The following FBXO46 variants were observed in gnomAD, a reference collection of about 807,000 sequenced individuals.
FBXO46 encodes the protein F-box only protein 46.
Under a neutral mutation model 30.7 loss-of-function variants are expected in FBXO46, and 13 were observed. The ratio of observed to expected loss-of-function variants is 0.42; its 90% CI spans 0.28 to 0.67. The LOEUF (loss-of-function observed/expected upper bound fraction) is 0.67, where lower values mean the gene tolerates loss of function less well. Among genes scored for constraint, FBXO46 ranks in the 30% least tolerant of loss-of-function variants. FBXO46 has a pLI of 0.21. For synonymous variants in FBXO46, 467 were observed against 385.8 expected, an observed-to-expected ratio of 1.21 and a Z score of -2.47; for missense variants, 754 against 871.5, an observed-to-expected ratio of 0.87 and a Z score of 1.70.
At chr19:45,727,133 C>CA (rs1272484490) in intron 1 of FBXO46, among the ~76,000 whole-genome samples, 2 of 151,962 alleles carry the variant, frequency 1.3e-5, no homozygotes. Context: ...CTTGTAGTCC[C>CA]AGCTACTCAG....
upstream of FBXO46, among the ~76,000 whole-genome samples, chr19:45,732,103 C>A (rs1968324215): frequency 6.8e-6 from 1 of 147,200 alleles, no homozygotes; most frequent in East Asian, 2.0e-4. Context: ...GGGGACAGAG[C>A]GAGATTCCGT....
Position 45,712,779 on chromosome 19 carries a change from G to A in FBXO46, c.717C>T (p.Asp239=), listed in dbSNP as rs773041679. 4 of 1,611,250 alleles carry A rather than the reference G, an allele frequency of 2.5e-6. No homozygotes were observed. The East Asian group carries it at 8.9e-5, about 36-fold the overall frequency. Residue 239 remains aspartate, a synonymous_variant, in exon 2 of 2, where the codon GAC becomes GAT. Coordinates refer to ENST00000317683, the MANE Select transcript of FBXO46 (RefSeq NM_001080469.2). This position sits in a 1 kb window ranked among gnomAD's most constrained non-coding sequence, Gnocchi z 8.8. ...TGCGGAGGCCCTTGGTGGGAGGGCT[G>A]TCCCTCTGCGCTTCAAAGTGGGCCA... is the stretch of plus-strand genomic sequence containing the variant. ...EAVAHFEAQR[D]SPPTKGLRKE...
intron 1 of FBXO46, among the ~76,000 whole-genome samples, chr19:45,728,665 C>T (rs1421508992): frequency 2.0e-5 from 3 of 151,910 alleles, no homozygotes; most frequent in South Asian, 2.1e-4. Context: ...GTAAGACCCG[C>T]GTCTCTACAA....
At chr19:45,728,906 C>T (rs752441973) in intron 1 of FBXO46, among the ~76,000 whole-genome samples, 3 of 151,938 alleles carry the variant, frequency 2.0e-5, no homozygotes, top group Admixed American at 6.6e-5. Flanking sequence ...GACGCTGGGG[C>T]GGGCAGATCA....
intron 1 of FBXO46, among the ~76,000 whole-genome samples, chr19:45,722,107 C>A (rs145486077): frequency 7.9e-5 from 12 of 152,144 alleles, no homozygotes; most frequent in Admixed American, 2.0e-4. Flanking sequence ...CATGATGCAC[C>A]GCGCCCGGTC....
Position 45,712,245 on chromosome 19 carries a change from G to T in FBXO46, c.1251C>A (p.Asp417Glu), listed in dbSNP as rs1470014886. The change falls in exon 2 of 2, where the codon GAC (aspartate) becomes GAA (glutamate). Residue 417 changes from aspartate (D) to glutamate (E), a missense_variant. Asp to Glu is a conservative substitution (Grantham distance 45). Coordinates refer to ENST00000317683, the MANE Select transcript of FBXO46 (RefSeq NM_001080469.2). This position sits in a 1 kb window ranked among gnomAD's most constrained non-coding sequence, Gnocchi z 8.8. ...CGGCCGGGGGTGGCTCCGGGGGCCC[G>T]TCCGGCCCGCGGTTCTGGAGAAAGA... ...QLFFLQNRGP[D>E]GPPEPPPADS... 1.2e-6 allele frequency: 2 copies of T among 1,604,576 alleles called. No individual in the cohort carries two copies. The highest frequency in any genetic ancestry group is 1.3e-5 in the African/African-American group (1 of 74,794).
In FBXO46 at chr19:45,724,532, G is replaced by A. The variant is rs369288514; in HGVS notation, c.-79+6317C>T. Among the ~76,000 whole-genome samples, 7 of 152,238 alleles carry A rather than the reference G, an allele frequency of 4.6e-5. No homozygotes were observed. In the East Asian group the frequency reaches 1.4e-3, roughly 29 times the overall value. On this transcript the variant is annotated intron_variant, in intron 1 of 1. Transcript: ENST00000317683. ...TGCTCTATTAACACTTGTGGGCTGGGCTCTGTGGCTCATGCCTGTAACCCA... is the reference window on the plus strand; with the variant it reads ...TGCTCTATTAACACTTGTGGGCTGGACTCTGTGGCTCATGCCTGTAACCCA...
upstream of FBXO46, among the ~76,000 whole-genome samples, chr19:45,732,128 AAAG>A (rs556010465): frequency 7.0e-3 from 1,066 of 151,258 alleles, 10 homozygotes; most frequent in African/African-American, 0.024. Context: ...AAAAAAAAAA[AAAG>A]AAGAAGAAGA....
At position 45,712,308 on chromosome 19, in the gene FBXO46, C is replaced by T. The variant is rs771409201; in HGVS notation, c.1188G>A (p.Thr396=). The part of the protein sequence containing the change: ...KNVKEETVCL[T]VSPEEPPPPG... ...GAGGCGGCGGTTCCTCCGGGCTGAC[C>T]GTCAGGCACACAGTCTCCTCCTTCA... The change falls in exon 2 of 2, where the codon ACG becomes ACA. Residue 396 remains threonine, a synonymous_variant. Transcript: ENST00000317683. The surrounding 1 kb of genome is among the most constrained non-coding windows in gnomAD (Gnocchi z 8.8). The T allele has an allele frequency of 3.4e-5, 55 of 1,601,656 alleles. 1 individual carries two copies. The highest frequency in any genetic ancestry group is 2.6e-4 in the South Asian group (24 of 91,084).
rs995647026 is a variant in FBXO46, at chr19:45,711,290, T to C, written c.*394A>G. ...AAATAACAGCTCCAGCGAGAAAGAA[T>C]TGGGGTGAGGGAGAGGATGGGGGCC... On this transcript the variant is annotated 3_prime_UTR_variant, in exon 2 of 2. Coordinates refer to ENST00000317683, the MANE Select transcript of FBXO46 (RefSeq NM_001080469.2). 2.8e-5 allele frequency: 12 copies of C among 434,072 alleles called. No homozygotes were observed. The highest frequency in any genetic ancestry group is 8.4e-5 in the African/African-American group (4 of 47,498). 26.9% of individuals were successfully genotyped at this position (434,072 alleles called of 1,614,324 possible).
intron 1 of FBXO46, among the ~76,000 whole-genome samples, chr19:45,721,909 C>T (rs1377076299): frequency 2.0e-5 from 3 of 151,810 alleles, no homozygotes; most frequent in East Asian, 1.9e-4. Flanking sequence ...AACACGATCT[C>T]GTCTCACTGT....
chr19:45,712,626 G>T lies in FBXO46; in HGVS notation c.870C>A (p.Tyr290Ter). 6.2e-7 allele frequency: 1 copy of T among 1,601,156 alleles called. No individual in the cohort carries two copies. Among genetic ancestry groups the T allele is most frequent in the Non-Finnish European group, 8.5e-7 (1 of 1,173,578 alleles). Residue 290 changes from tyrosine (Y) to a stop codon, truncating the protein, a stop_gained, in exon 2 of 2, where the codon TAC becomes TAA. Coordinates refer to ENST00000317683, the MANE Select transcript of FBXO46 (RefSeq NM_001080469.2). LOFTEE classifies it high-confidence loss of function. The surrounding 1 kb of genome is among the most constrained non-coding windows in gnomAD (Gnocchi z 8.8). ...SGGGGRPGCAYPGSPGPGARA... is the reference protein window; with the variant it reads ...SGGGGRPGCA The stretch of plus-strand genomic sequence containing the variant: ...GGGCCCCAGGACCTGGGCTGCCAGG[G>T]TAGGCACAACCAGGCCTGCCCCCGC...
chr19:45,712,691 G>T lies in FBXO46; in HGVS notation c.805C>A (p.Arg269=). Residue 269 remains arginine, a synonymous_variant, in exon 2 of 2, where the codon CGG becomes AGG. Transcript: ENST00000317683. The surrounding 1 kb of genome is among the most constrained non-coding windows in gnomAD (Gnocchi z 8.8). ...VRIAFRISNG[R]EPRAPDSGLP... The stretch of plus-strand genomic sequence containing the variant: ...CCGCTGTCTGGTGCACGGGGCTCCC[G>T]GCCGTTGGAGATGCGGAAGGCGATG... The T allele has an allele frequency of 6.2e-7, 1 of 1,612,772 alleles. No individual in the cohort carries two copies.
rs1967994601 is a variant in FBXO46, at chr19:45,712,361, A to T, written c.1135T>A (p.Phe379Ile). 6.2e-7 allele frequency: 1 copy of T among 1,602,752 alleles called. No homozygotes were observed. Among genetic ancestry groups the T allele is most frequent in the Non-Finnish European group, 8.5e-7 (1 of 1,179,648 alleles). Residue 379 changes from phenylalanine (F) to isoleucine (I), a missense_variant, in exon 2 of 2, where the codon TTC becomes ATC. Phe to Ile is a conservative substitution (Grantham distance 21). This residue lies in a region of FBXO46 where 454 missense variants were observed against 426.5 expected (regional missense o/e 1.06). Transcript: ENST00000317683. This position sits in a 1 kb window ranked among gnomAD's most constrained non-coding sequence, Gnocchi z 8.8. ...TTCTTGGTGCCGTCCTTGCCAAAGA[A>T]GATGCACTCATCTACCACGCCCGTC... ...VVTGVVDECIFFGKDGTKNVK... is the reference protein window; with the variant it reads ...VVTGVVDECIIFGKDGTKNVK...
In FBXO46 at chr19:45,711,676, CCCCGGCTTCACCTCCCCTCCT is replaced by C; in HGVS notation, c.1799_*7del. The C allele has an allele frequency of 6.6e-7, 1 of 1,524,034 alleles. No individual in the cohort carries two copies. The allele number at this position is 1,524,034 out of a possible 1,614,324, so 94.4% of individuals were successfully genotyped here. A position where few individuals can be genotyped will look rare whatever the true frequency, so the allele number is the denominator to read the frequency against. Reference sequence around the variant, plus strand: ...GCGTGGTGGGCTCTCCCCTCCCCTCCCCCGGCTTCACCTCCCCTCCTCCCGGCCGGCCCGGCCCCCGCCTGG... The same window carrying C: ...GCGTGGTGGGCTCTCCCCTCCCCTCCCCCGGCCGGCCCGGCCCCCGCCTGG... On this transcript the variant is annotated stop_lost and 3_prime_UTR_variant, in exon 2 of 2. Transcript: ENST00000317683.
intron 1 of FBXO46, among the ~76,000 whole-genome samples, chr19:45,729,279 A>G (rs963715684): frequency 1.3e-5 from 2 of 151,500 alleles, no homozygotes; most frequent in African/African-American, 4.9e-5. Context: ...AAACTACAAA[A>G]ATTAGCCAGG....
chr19:45,720,658 TA>T (rs1015084968), intron 1 of FBXO46, among the ~76,000 whole-genome samples: 2 of 152,010 alleles, frequency 1.3e-5, no homozygotes, highest in African/African-American at 4.8e-5. Context: ...GAGGTCTCAC[TA>T]TGTTGCCTAG....
At chr19:45,719,619 C>A (rs1968144334) in intron 1 of FBXO46, among the ~76,000 whole-genome samples, 1 of 152,192 alleles carries the variant, frequency 6.6e-6, no homozygotes, top group Non-Finnish European at 1.5e-5. Flanking sequence ...ATGCCCCCAA[C>A]AATTAAATAA....
In FBXO46 at chr19:45,713,532, C is replaced by A; in HGVS notation, c.-37G>T. The A allele has an allele frequency of 6.7e-7, 1 of 1,495,692 alleles. No homozygotes were observed. Among genetic ancestry groups the A allele is most frequent in the Non-Finnish European group, 9.0e-7 (1 of 1,113,306 alleles). 92.7% of individuals were successfully genotyped at this position (1,495,692 alleles called of 1,614,324 possible). On this transcript the variant is annotated 5_prime_UTR_variant, in exon 2 of 2. An upstream start codon of the reference 5' UTR is lost. Transcript: ENST00000317683. The surrounding 1 kb of genome is among the most constrained non-coding windows in gnomAD (Gnocchi z 4.7). ...ATGGCAGACAGGCTGGGCTTCAGCG[C>A]ATCTCAGGACCTAGGTGGTGGTGGG...
Sources: allele counts gnomAD v4.1 joint callset (sites outside exome capture counted in the v4.1 genomes callset), GRCh38; gene constraint gnomAD v4.1.1; regional missense constraint gnomAD v4.1.1; non-coding constraint Gnocchi (gnomAD v3.1); transcripts MANE v1.5; gene names NCBI Gene and HGNC (gene_info 2026-07-23, HGNC 2026-07-21).